Variants in GNG7 observed in about 807,000 individuals in gnomAD.
GNG7 encodes G protein subunit gamma 7.
Under a neutral mutation model 4.0 loss-of-function variants are expected in GNG7, and 1 was observed. The ratio of observed to expected loss-of-function variants is 0.25; its 90% CI spans 0.09 to 1.18. GNG7 has a LOEUF of 1.18. Among genes scored for constraint, GNG7 ranks in the 50% most tolerant of loss-of-function variants. The pLI is 0.50. For missense variants in GNG7, 86 were observed against 91.9 expected (o/e 0.94, Z 0.26); for synonymous variants, 34 against 36.9 (o/e 0.92, Z 0.29).
chr19:2,652,169 C>T (rs949772072), intron 1 of GNG7, among the ~76,000 whole-genome samples: 5 of 150,686 alleles, frequency 3.3e-5, no homozygotes, highest in Admixed American at 1.3e-4. Context: ...AGCGAGACTC[C>T]GTCTCAAAAA....
At chr19:2,691,825 C>A (rs1384192634) in intron 1 of GNG7, among the ~76,000 whole-genome samples, 2 of 150,066 alleles carry the variant, frequency 1.3e-5, no homozygotes, top group South Asian at 4.2e-4. Flanking sequence ...TGAGATCATG[C>A]CACCGCACTC....
rs1599366056 is a variant in GNG7 at position 2,512,167 on chromosome 19, G to C, written c.*2855C>G. On this transcript the variant is annotated 3_prime_UTR_variant, in exon 5 of 5. Transcript: ENST00000382159. The surrounding 1 kb of genome is among the most constrained non-coding windows in gnomAD (Gnocchi z 4.7). ...GGCTTGTCCCCCCAAGGCTAGAGCTGCTGCTGCCACCCCCGCCCGCCAGCT... is the reference window on the plus strand; with the variant it reads ...GGCTTGTCCCCCCAAGGCTAGAGCTCCTGCTGCCACCCCCGCCCGCCAGCT... 1.0e-6 allele frequency: 1 copy of C among 985,876 alleles called. No homozygotes were observed. Among genetic ancestry groups the C allele is most frequent in the East Asian group, 1.1e-4 (1 of 8,798 alleles). 61.1% of individuals were successfully genotyped at this position (985,876 alleles called of 1,614,324 possible). A position where few individuals can be genotyped will look rare whatever the true frequency, so the allele number is the denominator to read the frequency against.
rs1474081471 is a variant in GNG7 at position 2,577,613 on chromosome 19, A to G, written c.-77-22425T>C. On this transcript the variant is annotated intron_variant, in intron 2 of 4. Coordinates refer to ENST00000382159, the MANE Select transcript of GNG7 (RefSeq NM_052847.3). ...CACTTTGGGAGGCTGAGGCAGGAAA[A>G]TTGCTTTAAGCCAGGAGGCGGAGGT... 1.0e-4 allele frequency among the ~76,000 whole-genome samples: 15 copies of G among 150,098 alleles called. No homozygotes were observed. In the East Asian group the frequency reaches 2.8e-3, roughly 28 times the overall value.
intron 1 of GNG7, among the ~76,000 whole-genome samples, chr19:2,681,527 C>T (rs189459269): frequency 5.3e-5 from 8 of 152,276 alleles, no homozygotes; most frequent in African/African-American, 1.9e-4. Context: ...CCTCGGCCTC[C>T]CAAAGCGCTG....
At chr19:2,548,354 G>C (rs944874508) in intron 3 of GNG7, among the ~76,000 whole-genome samples, 10 of 151,432 alleles carry the variant, frequency 6.6e-5, no homozygotes, top group African/African-American at 2.4e-4. Flanking sequence ...GGTGGCGGGC[G>C]CCTGTAATCC....
intron 2 of GNG7, among the ~76,000 whole-genome samples, chr19:2,637,092 C>G (rs1208316499): frequency 3.3e-5 from 5 of 151,890 alleles, no homozygotes; most frequent in African/African-American, 9.7e-5. Context: ...GCATCTCCAG[C>G]CCCCTGCCGG....
At chr19:2,640,428 G>C (rs554864669) in intron 2 of GNG7, among the ~76,000 whole-genome samples, 1 of 152,086 alleles carries the variant, frequency 6.6e-6, no homozygotes, top group Non-Finnish European at 1.5e-5. Flanking sequence ...GGTGGATGTC[G>C]AGGTTTCTCG....
intron 3 of GNG7, among the ~76,000 whole-genome samples, chr19:2,549,376 C>T (rs1169804432): frequency 6.6e-6 from 1 of 151,454 alleles, no homozygotes; most frequent in Non-Finnish European, 1.5e-5. Context: ...ACTGCAAACT[C>T]CACCCCCTGG....
At chr19:2,535,213 G>T (rs936185637) in intron 3 of GNG7, among the ~76,000 whole-genome samples, 2 of 151,910 alleles carry the variant, frequency 1.3e-5, no homozygotes, top group Non-Finnish European at 2.9e-5. Context: ...TGGGGGCTGG[G>T]TGCAGTGGCT....
At chr19:2,556,372 C>A (rs1008446146) in intron 2 of GNG7, among the ~76,000 whole-genome samples, 2 of 152,320 alleles carry the variant, frequency 1.3e-5, no homozygotes. Context: ...CTGAGCTGCT[C>A]GAGGCCGGGC....
In GNG7 at chr19:2,564,045, G is replaced by C. The variant is rs141575598; in HGVS notation, c.-77-8857C>G. The stretch of plus-strand genomic sequence containing the variant: ...GTTAGCCAATGAGAATGGTGTTCGT[G>C]TGTGTAAGGGCAGGCTCCTAAACAG... On this transcript the variant is annotated intron_variant, in intron 2 of 4. Transcript: ENST00000382159. Among the ~76,000 whole-genome samples the C allele has an allele frequency of 3.1e-3, 472 of 152,274 alleles. 4 individuals carry two copies. The highest frequency in any genetic ancestry group is 0.01 in the African/African-American group (428 of 41,566).
intron 2 of GNG7, among the ~76,000 whole-genome samples, chr19:2,563,519 G>T (rs563716995): frequency 6.6e-6 from 1 of 151,902 alleles, no homozygotes; most frequent in African/African-American, 2.4e-5. Context: ...CATTTCTGTC[G>T]CCCAGGCTGG....
intron 1 of GNG7, among the ~76,000 whole-genome samples, chr19:2,689,328 C>T (rs1913080009): frequency 6.6e-6 from 1 of 151,594 alleles, no homozygotes; most frequent in Admixed American, 6.6e-5. Context: ...CAGGAATAAA[C>T]GCTCCTAACA....
intron 2 of GNG7, among the ~76,000 whole-genome samples, chr19:2,597,477 A>G (rs545778693): frequency 2.1e-4 from 32 of 150,852 alleles, no homozygotes; most frequent in Admixed American, 7.9e-4. Context: ...GGCACCTGTA[A>G]TCTTAGCTAC....
rs1972678344 is a variant in GNG7, at chr19:2,513,062, G to A, written c.*1960C>T. 1.0e-6 allele frequency: 1 copy of A among 985,494 alleles called. No individual in the cohort carries two copies. The highest frequency in any genetic ancestry group is 1.2e-6 in the Non-Finnish European group (1 of 830,084). 61.0% of individuals were successfully genotyped at this position (985,494 alleles called of 1,614,324 possible). A position where few individuals can be genotyped will look rare whatever the true frequency, so the allele number is the denominator to read the frequency against. ...CTGCCGTAGAGAGCTGGGTGCCGGG[G>A]GTGGGGAGCCCGGCTGTGGCCTGTG... On this transcript the variant is annotated 3_prime_UTR_variant, in exon 5 of 5. Transcript: ENST00000382159.
intron 2 of GNG7, among the ~76,000 whole-genome samples, chr19:2,568,268 G>A (rs1279100305): frequency 7.2e-6 from 1 of 138,852 alleles, no homozygotes; most frequent in Non-Finnish European, 1.5e-5. Flanking sequence ...CACATATAGA[G>A]ACACATATAG....
chr19:2,560,911 C>A (rs1174757789), intron 2 of GNG7, among the ~76,000 whole-genome samples: 3 of 148,258 alleles, frequency 2.0e-5, no homozygotes, highest in Admixed American at 6.8e-5. Context: ...GAGCCGAGAT[C>A]GTACCATTGC....
Position 2,653,301 on chromosome 19 carries a change from A to C in GNG7, c.-134-7021T>G, listed in dbSNP as rs1423785668. On this transcript the variant is annotated intron_variant, in intron 1 of 4. Transcript: ENST00000382159. This position sits in a 1 kb window ranked among gnomAD's most constrained non-coding sequence, Gnocchi z 4.8. ...ACAAACAGCCAGACCCTCAGCTCCC[A>C]AACCTGGGGATTTGCAACAGACAAA... 6.6e-6 allele frequency among the ~76,000 whole-genome samples: 1 copy of C among 152,158 alleles called. No homozygotes were observed. The highest frequency in any genetic ancestry group is 1.5e-5 in the Non-Finnish European group (1 of 68,036).
At chr19:2,622,824 G>A (rs1981918322) in intron 2 of GNG7, among the ~76,000 whole-genome samples, 1 of 152,378 alleles carries the variant, frequency 6.6e-6, no homozygotes, top group South Asian at 2.1e-4. Context: ...CGGCAGAGAG[G>A]GGGCTTCCGG....
Sources: allele counts gnomAD v4.1 joint callset (sites outside exome capture counted in the v4.1 genomes callset), GRCh38; gene constraint gnomAD v4.1.1; non-coding constraint Gnocchi (gnomAD v3.1); transcripts MANE v1.5; gene names NCBI Gene and HGNC (gene_info 2026-07-23, HGNC 2026-07-21).